Variants in MAP2K4 observed in about 807,000 individuals in gnomAD.
MAP2K4 encodes the protein mitogen-activated protein kinase kinase 4.
A neutral mutation model predicts 48.5 loss-of-function variants in MAP2K4; 4 were observed. The ratio of observed to expected loss-of-function variants is 0.08; its 90% CI spans 0.04 to 0.19. The LOEUF is 0.19. MAP2K4 is among the 10% of genes least tolerant of loss of function. The pLI is 1.00. For synonymous variants in MAP2K4, 166 were observed against 173.1 expected, an observed-to-expected ratio of 0.96 and a Z score of 0.32; for missense variants, 258 against 493.3, an observed-to-expected ratio of 0.52 and a Z score of 4.52.
At chr17:12,087,045 C>T (rs1166634028) in intron 3 of MAP2K4, among the ~76,000 whole-genome samples, 1 of 151,970 alleles carries the variant, frequency 6.6e-6, no homozygotes, top group East Asian at 1.9e-4. Flanking sequence ...CGGGGTTTCA[C>T]CATGTTGGCT....
At chr17:12,119,749 C>T (rs1972621836) in intron 7 of MAP2K4, among the ~76,000 whole-genome samples, 1 of 152,172 alleles carries the variant, frequency 6.6e-6, no homozygotes, top group Admixed American at 6.5e-5. Flanking sequence ...ACCTAAATGT[C>T]CATCAGTGGA....
chr17:12,093,997 C>A (rs557968161), intron 3 of MAP2K4, among the ~76,000 whole-genome samples: 1 of 152,248 alleles, frequency 6.6e-6, no homozygotes, highest in Non-Finnish European at 1.5e-5. Context: ...TTTGAGCAAA[C>A]ATGCTGAAGT....
chr17:12,042,550 A>T (rs1969823444), intron 1 of MAP2K4, among the ~76,000 whole-genome samples: 1 of 151,976 alleles, frequency 6.6e-6, no homozygotes, highest in South Asian at 2.1e-4. Flanking sequence ...CTGAGGTGGG[A>T]GTATCGCCTA....
intron 9 of MAP2K4, among the ~76,000 whole-genome samples, chr17:12,137,995 AT>A (rs1330562906): frequency 2.0e-5 from 3 of 152,120 alleles, no homozygotes; most frequent in African/African-American, 7.2e-5. Flanking sequence ...GAGAAAACAG[AT>A]TATCTGTTAA....
At chr17:12,043,910 T>A (rs932170154) in intron 1 of MAP2K4, among the ~76,000 whole-genome samples, 2 of 151,946 alleles carry the variant, frequency 1.3e-5, no homozygotes, top group Non-Finnish European at 2.9e-5. Flanking sequence ...TTCCTGGAGG[T>A]GTGTGTATGG....
intron 4 of MAP2K4, 133 bp downstream of exon 4, chr17:12,095,827 A>G (rs1971718950): frequency 7.9e-6 from 9 of 1,145,850 alleles, no homozygotes; most frequent in South Asian, 1.5e-5. Flanking sequence ...GTGTTTAACC[A>G]TGGTAATTTA....
rs1973394300 is a variant in MAP2K4, at chr17:12,142,122, G to GTA, written c.*862_*863insTA. The GTA allele has an allele frequency of 4.3e-6, 1 of 233,388 alleles. No homozygotes were observed. The highest frequency in any genetic ancestry group is 5.6e-5 in the Admixed American group (1 of 17,766). 14.5% of individuals were successfully genotyped at this position (233,388 alleles called of 1,614,324 possible). On this transcript the variant is annotated 3_prime_UTR_variant, in exon 11 of 11. Coordinates refer to ENST00000353533, the MANE Select transcript of MAP2K4 (RefSeq NM_003010.4). ...AGGACTGAAAGAAGAAAACAGTACA[G>GTA]AAGGCAAAGTTTACAGATGTTTTTA...
chr17:12,048,048 T>C (rs1970022226), intron 1 of MAP2K4, among the ~76,000 whole-genome samples: 1 of 152,218 alleles, frequency 6.6e-6, no homozygotes, highest in Non-Finnish European at 1.5e-5. Context: ...TTTTCTTTTT[T>C]TTTGAGACAG....
At chr17:12,094,012 T>A (rs943016938) in intron 3 of MAP2K4, among the ~76,000 whole-genome samples, 1 of 152,184 alleles carries the variant, frequency 6.6e-6, no homozygotes, top group Non-Finnish European at 1.5e-5. Context: ...TGAAGTTGAT[T>A]TAAAAGTAAG....
chr17:12,079,140 TATATTTA>T lies in MAP2K4; in HGVS notation c.219-2215_219-2209del, dbSNP rs1971108300. ...AAGTGTATAGTTCATTTGCTTTTAG[TATATTTA>T]GTATATTTACAGAATTGTGCATCTG... On this transcript the variant is annotated intron_variant, in intron 2 of 10. Transcript: ENST00000353533. 3.8e-5 allele frequency among the ~76,000 whole-genome samples: 4 copies of T among 106,150 alleles called. No homozygotes were observed. The South Asian group carries it at 1.7e-3, about 45-fold the overall frequency. 69.6% of individuals were successfully genotyped at this position (106,150 alleles called of 152,430 possible).
chr17:12,141,109 ACAAAC>A (rs757049114), intron 10 of MAP2K4, 33 bp from the exon 11 acceptor site: 1 of 1,331,440 alleles, frequency 7.5e-7, no homozygotes, highest in Non-Finnish European at 1.1e-6. Flanking sequence ...GGGCTGTCAT[ACAAAC>A]TTTTGACTTT....
intron 1 of MAP2K4, among the ~76,000 whole-genome samples, chr17:12,049,634 A>T (rs1403426396): frequency 2.0e-5 from 3 of 152,170 alleles, no homozygotes; most frequent in Non-Finnish European, 4.4e-5. Flanking sequence ...TTCACATTCA[A>T]ACTCAGGGTA....
intron 2 of MAP2K4, among the ~76,000 whole-genome samples, chr17:12,077,601 G>A (rs1265311855): frequency 6.6e-6 from 1 of 152,126 alleles, no homozygotes; most frequent in East Asian, 1.9e-4. Flanking sequence ...TGTGGCTGGA[G>A]CTCTAGTCAT....
At chr17:12,094,849 A>G (rs1033407351) in intron 3 of MAP2K4, among the ~76,000 whole-genome samples, 2 of 152,208 alleles carry the variant, frequency 1.3e-5, no homozygotes, top group African/African-American at 2.4e-5. Flanking sequence ...TTAGCACCTT[A>G]GGAATAGACA....
chr17:12,060,596 A>G (rs1421536089), intron 2 of MAP2K4, among the ~76,000 whole-genome samples: 1 of 152,196 alleles, frequency 6.6e-6, no homozygotes, highest in Non-Finnish European at 1.5e-5. Flanking sequence ...AATTTTTTGA[A>G]GCAATCATGA....
chr17:12,129,655 A>G (rs1363200833), intron 9 of MAP2K4, among the ~76,000 whole-genome samples: 2 of 152,242 alleles, frequency 1.3e-5, no homozygotes, highest in African/African-American at 4.8e-5. Flanking sequence ...GGAAGCATTT[A>G]CTGAATCAAG....
intron 2 of MAP2K4, among the ~76,000 whole-genome samples, chr17:12,065,258 A>ATATTATTATATTAT (rs1555545193): frequency 5.1e-5 from 7 of 136,222 alleles, no homozygotes; most frequent in Non-Finnish European, 7.6e-5. Context: ...ATATATACAT[A>ATATTATTATATTAT]TATTATTATT....
chr17:12,090,911 A>G (rs1422598021), intron 3 of MAP2K4, among the ~76,000 whole-genome samples: 2 of 152,102 alleles, frequency 1.3e-5, no homozygotes, highest in Non-Finnish European at 2.9e-5. Flanking sequence ...ACAATGTGTC[A>G]TAGTCTGCTT....
chr17:12,071,175 G>A (rs965874127), intron 2 of MAP2K4, among the ~76,000 whole-genome samples: 1 of 152,086 alleles, frequency 6.6e-6, no homozygotes, highest in Admixed American at 6.5e-5. Flanking sequence ...TCTTTTTTGA[G>A]ATCTTTAATT....
Sources: allele counts gnomAD v4.1 joint callset (sites outside exome capture counted in the v4.1 genomes callset), GRCh38; gene constraint gnomAD v4.1.1; transcripts MANE v1.5; gene names NCBI Gene and HGNC (gene_info 2026-07-23, HGNC 2026-07-21).